ZNF669: variants seen among roughly 807,000 people sequenced by gnomAD.
ZNF669 encodes the protein zinc finger protein 669.
Under a neutral mutation model 11.4 loss-of-function variants are expected in ZNF669, and 7 were observed. The observed-to-expected ratio is 0.62, with a 90% CI of 0.35 to 1.16. ZNF669 has a LOEUF of 1.16. Ranked by LOEUF, ZNF669 falls within the 50% of genes most tolerant of loss-of-function variation. ZNF669 has a pLI of 0.02. For synonymous variants in ZNF669, 153 were observed against 155.8 expected, an observed-to-expected ratio of 0.98 and a Z score of 0.13; for missense variants, 492 against 463.6, an observed-to-expected ratio of 1.06 and a Z score of -0.56.
In ZNF669 at chr1:247,100,341, G is replaced by T; in HGVS notation, c.*33C>A. 7.7e-7 allele frequency: 1 copy of T among 1,301,090 alleles called. No homozygotes were observed. Among genetic ancestry groups the T allele is most frequent in the Non-Finnish European group, 1.1e-6 (1 of 927,262 alleles). The allele number at this position is 1,301,090 out of a possible 1,614,324, so 80.6% of individuals were successfully genotyped here. ...CATGTTGCCCAGGTTGTTTCACATTGTTTTAATCCAGGCTGGTTATGAACT... is the reference window on the plus strand; with the variant it reads ...CATGTTGCCCAGGTTGTTTCACATTTTTTTAATCCAGGCTGGTTATGAACT... On this transcript the variant is annotated 3_prime_UTR_variant, in exon 4 of 4. Coordinates refer to ENST00000448299, the MANE Select transcript of ZNF669 (RefSeq NM_001142572.2).
Position 247,102,189 on chromosome 1 carries a change from C to T in ZNF669, c.4-76G>A, listed in dbSNP as rs1572039618. On this transcript the variant is annotated intron_variant, in intron 1 of 3. Transcript: ENST00000448299. The stretch of plus-strand genomic sequence containing the variant: ...TGGGAATCTATACTCAATTCATAAG[C>T]TGTTTACATGATTTGATAATTTCCA... 6 of 1,478,598 alleles carry T rather than the reference C, an allele frequency of 4.1e-6. No homozygotes were observed. The Middle Eastern group carries it at 7.2e-4, about 179-fold the overall frequency. The allele number at this position is 1,478,598 out of a possible 1,614,324, so 91.6% of individuals were successfully genotyped here.
At chr1:247,103,768 T>C (rs1671778749) in intron 1 of ZNF669, among the ~76,000 whole-genome samples, 1 of 151,496 alleles carries the variant, frequency 6.6e-6, no homozygotes, top group African/African-American at 2.4e-5. Context: ...TGAATCGCCG[T>C]TTGCTCAAAC....
intron 1 of ZNF669, among the ~76,000 whole-genome samples, chr1:247,103,549 G>T (rs1179209511): frequency 6.9e-6 from 1 of 144,068 alleles, no homozygotes. Flanking sequence ...CAGGAGAATC[G>T]CTTGAACCCG....
rs139983252 is a variant in ZNF669, at chr1:247,104,183, C to T, written c.3+14G>A. 1.6e-4 allele frequency: 250 copies of T among 1,531,138 alleles called. No homozygotes were observed. The African/African-American group carries it at 3.2e-3, about 20-fold the overall frequency. 94.8% of individuals were successfully genotyped at this position (1,531,138 alleles called of 1,614,324 possible). On this transcript the variant is annotated intron_variant, in intron 1 of 3. Transcript: ENST00000448299. ...CTCTTCTCCACTTCGGGAAGCCAGG[C>T]GCAGTCCACTCACCATTCCTCGGCT... is the stretch of plus-strand genomic sequence containing the variant.
rs1671701879 is a variant in ZNF669, at chr1:247,100,687, G to A, written c.824C>T (p.Pro275Leu). 6.2e-7 allele frequency: 1 copy of A among 1,613,994 alleles called. No individual in the cohort carries two copies. The highest frequency in any genetic ancestry group is 1.3e-5 in the African/African-American group (1 of 74,900). ...YHGSIHTGERPYECKQCGKAF... is the reference protein window; with the variant it reads ...YHGSIHTGERLYECKQCGKAF... Reference sequence around the variant, plus strand: ...TTTGCCACATTGTTTACACTCATAGGGTCTCTCTCCAGTATGAATGCTTCC... The same window carrying A: ...TTTGCCACATTGTTTACACTCATAGAGTCTCTCTCCAGTATGAATGCTTCC... Residue 275 changes from proline (P) to leucine (L), a missense_variant, in exon 4 of 4, where the codon CCC (proline) becomes CTC (leucine). By Grantham distance (98) the Pro-to-Leu change is moderately conservative. Transcript: ENST00000448299.
intron 1 of ZNF669, 184 bp downstream of exon 1, chr1:247,104,013 G>A (rs1322500474): frequency 6.3e-7 from 1 of 1,598,794 alleles, no homozygotes; most frequent in Non-Finnish European, 8.5e-7. Context: ...CAGACAGGAT[G>A]CAGGGGTTCC....
intron 1 of ZNF669, among the ~76,000 whole-genome samples, chr1:247,103,765 C>T (rs1671778691): frequency 6.6e-6 from 1 of 152,060 alleles, no homozygotes; most frequent in Non-Finnish European, 1.5e-5. Context: ...TTATGAATCG[C>T]CGTTTGCTCA....
In ZNF669 at chr1:247,104,316, C is replaced by T. The variant is rs1671799602; in HGVS notation, c.-117G>A. ...GCCTCCCAGAGCCAAGAACTAGCAG[C>T]GGAGACTAACAGGAAGAGCCGGCTC... On this transcript the variant is annotated 5_prime_UTR_variant, in exon 1 of 4. Transcript: ENST00000448299. The T allele has an allele frequency of 2.3e-6, 3 of 1,326,876 alleles. No individual in the cohort carries two copies. The East Asian group carries it at 8.9e-5, about 39-fold the overall frequency. The allele number at this position is 1,326,876 out of a possible 1,614,324, so 82.2% of individuals were successfully genotyped here. A position where few individuals can be genotyped will look rare whatever the true frequency, so the allele number is the denominator to read the frequency against.
intron 3 of ZNF669, 147 bp from the exon 4 acceptor site, chr1:247,101,466 G>T: frequency 9.4e-7 from 1 of 1,064,856 alleles, no homozygotes; most frequent in South Asian, 1.7e-5. Flanking sequence ...AAGTAAATGG[G>T]TTACTACTGA....
chr1:247,101,045 T>C lies in ZNF669; in HGVS notation c.466A>G (p.Ile156Val), dbSNP rs61746134. Residue 156 changes from isoleucine to valine, a missense_variant, in exon 4 of 4, where the codon ATA becomes GTA. Physicochemically the swap from Ile to Val is conservative, Grantham distance 29. Coordinates refer to ENST00000448299, the MANE Select transcript of ZNF669 (RefSeq NM_001142572.2). Reference protein sequence around the residue: ...VSVPGVRRHMIMHSGNPAYKC... With the variant: ...VSVPGVRRHMVMHSGNPAYKC... ...TAAGCTGGATTTCCACTGTGCATTA[T>C]CATGTGTCTTCTAACACCTGGAACA... The C allele has an allele frequency of 4.4e-4, 711 of 1,613,942 alleles. 5 individuals are homozygous for C. In the African/African-American group the frequency reaches 7.0e-3, roughly 16 times the overall value.
chr1:247,100,825 A>T lies in ZNF669; in HGVS notation c.686T>A (p.Phe229Tyr), dbSNP rs1470861757. The change falls in exon 4 of 4, where the codon TTC becomes TAC. Residue 229 changes from phenylalanine (F) to tyrosine (Y), a missense_variant. Phe to Tyr is a conservative substitution (Grantham distance 22). Coordinates refer to ENST00000448299, the MANE Select transcript of ZNF669 (RefSeq NM_001142572.2). ...PYECKECGKT[F>Y]RFSCSFKTHE... ...CGTCTTAAAAGAACAAGAAAATCTG[A>T]ATGTTTTCCCACATTCCTTACATTC... 1.2e-6 allele frequency: 2 copies of T among 1,613,984 alleles called. No homozygotes were observed. The highest frequency in any genetic ancestry group is 2.2e-5 in the South Asian group (2 of 91,032).
rs17856483 is a variant in ZNF669, at chr1:247,100,417, T to C, written c.1094A>G (p.Tyr365Cys). ...DIEAGCSDSA[Y>C]NPSTLGGQGV... ...TTGGCCTCCCAAAGTGCTGGGATTA[T>C]AGGCTGAGTCACTACACCCAGCCTC... Residue 365 changes from tyrosine to cysteine, a missense_variant, in exon 4 of 4, where the codon TAT becomes TGT. Physicochemically the swap from Tyr to Cys is radical, Grantham distance 194 (BLOSUM62 -2). Coordinates refer to ENST00000448299, the MANE Select transcript of ZNF669 (RefSeq NM_001142572.2). 6.2e-7 allele frequency: 1 copy of C among 1,613,238 alleles called. No individual in the cohort carries two copies.
Position 247,100,274 on chromosome 1 carries a change from G to T in ZNF669, c.*100C>A. ...GCTGGGATTACAGGCGTAAGCCACC[G>T]TGCCCGGCATTATTTTATTTTTTGT... On this transcript the variant is annotated 3_prime_UTR_variant, in exon 4 of 4. Transcript: ENST00000448299. The T allele has an allele frequency of 1.3e-6, 1 of 775,920 alleles. No individual in the cohort carries two copies. Among genetic ancestry groups the T allele is most frequent in the Non-Finnish European group, 2.0e-6 (1 of 495,512 alleles). The allele number at this position is 775,920 out of a possible 1,614,324, so 48.1% of individuals were successfully genotyped here. A position where few individuals can be genotyped will look rare whatever the true frequency, so the allele number is the denominator to read the frequency against.
rs369800242 is a variant in ZNF669, at chr1:247,099,976, TTTTTA to T, written c.*393_*397del. 911 of 153,904 alleles carry T rather than the reference TTTTTA, an allele frequency of 5.9e-3. 4 individuals are homozygous for T. The highest frequency in any genetic ancestry group is 0.041 in the East Asian group (223 of 5,466). The allele number at this position is 153,904 out of a possible 1,614,324, so 9.5% of individuals were successfully genotyped here. A position where few individuals can be genotyped will look rare whatever the true frequency, so the allele number is the denominator to read the frequency against. ...GTGCCACCATGCCCAGCTAATTATTTTTTTATTTTATTTTATCTTATTTTTTGAGA... is the reference window on the plus strand; with the variant it reads ...GTGCCACCATGCCCAGCTAATTATTTTTTTATTTTATCTTATTTTTTGAGA... On this transcript the variant is annotated 3_prime_UTR_variant, in exon 4 of 4. Coordinates refer to ENST00000448299, the MANE Select transcript of ZNF669 (RefSeq NM_001142572.2).
Position 247,104,258 on chromosome 1 carries a change from C to G in ZNF669, c.-59G>C. On this transcript the variant is annotated 5_prime_UTR_variant, in exon 1 of 4. Coordinates refer to ENST00000448299, the MANE Select transcript of ZNF669 (RefSeq NM_001142572.2). ...GGGATGTCCCAATACTCGCAGGTCA[C>G]AGGGTGGCAGAGGCTGCTGCAGAGC... The G allele has an allele frequency of 1.4e-6, 2 of 1,476,778 alleles. No homozygotes were observed. Among genetic ancestry groups the G allele is most frequent in the Non-Finnish European group, 1.8e-6 (2 of 1,115,720 alleles). 91.5% of individuals were successfully genotyped at this position (1,476,778 alleles called of 1,614,324 possible).
Position 247,103,988 on chromosome 1 carries a change from T to C in ZNF669, c.3+209A>G, listed in dbSNP as rs749537844. On this transcript the variant is annotated intron_variant, in intron 1 of 3. Coordinates refer to ENST00000448299, the MANE Select transcript of ZNF669 (RefSeq NM_001142572.2). ...CCGACAGGGCTCCGGCCGGCGGAAG[T>C]GGCGCCCGCAGGTACAGACAGGATG... 5 of 1,603,310 alleles carry C rather than the reference T, an allele frequency of 3.1e-6. No homozygotes were observed. The South Asian group carries it at 5.6e-5, about 18-fold the overall frequency.
chr1:247,104,310 T>A lies in ZNF669; in HGVS notation c.-111A>T. ...ACCTGGGCCTCCCAGAGCCAAGAACTAGCAGCGGAGACTAACAGGAAGAGC... is the reference window on the plus strand; with the variant it reads ...ACCTGGGCCTCCCAGAGCCAAGAACAAGCAGCGGAGACTAACAGGAAGAGC... On this transcript the variant is annotated 5_prime_UTR_variant, in exon 1 of 4. Transcript: ENST00000448299. 1 of 1,349,920 alleles carries A rather than the reference T, an allele frequency of 7.4e-7. No individual in the cohort carries two copies. The allele number at this position is 1,349,920 out of a possible 1,614,324, so 83.6% of individuals were successfully genotyped here. A position where few individuals can be genotyped will look rare whatever the true frequency, so the allele number is the denominator to read the frequency against.
At position 247,100,709 on chromosome 1, in the gene ZNF669, T is replaced by G; in HGVS notation, c.802A>C (p.Ser268Arg). The change falls in exon 4 of 4, where the codon AGC becomes CGC. Residue 268 changes from serine to arginine, a missense_variant. Transcript: ENST00000448299. ...TAGGGTCTCTCTCCAGTATGAATGC[T>G]TCCATGGTAACGAAGGGAAGTGGAA... is the stretch of plus-strand genomic sequence containing the variant. ...SCSTSLRYHGSIHTGERPYEC... is the reference protein window; with the variant it reads ...SCSTSLRYHGRIHTGERPYEC... 6.2e-7 allele frequency: 1 copy of G among 1,614,210 alleles called. No individual in the cohort carries two copies. The highest frequency in any genetic ancestry group is 1.1e-5 in the South Asian group (1 of 91,080).
intron 1 of ZNF669, among the ~76,000 whole-genome samples, chr1:247,103,296 T>A (rs903035680): frequency 3.3e-5 from 5 of 152,138 alleles, no homozygotes; most frequent in African/African-American, 1.2e-4. Context: ...GAGTGTCAGA[T>A]GGTTTATTCT....
Sources: allele counts gnomAD v4.1 joint callset (sites outside exome capture counted in the v4.1 genomes callset), GRCh38; gene constraint gnomAD v4.1.1; transcripts MANE v1.5; gene names NCBI Gene and HGNC (gene_info 2026-07-23, HGNC 2026-07-21).